TMEM266: variants seen among roughly 807,000 people sequenced by gnomAD.
TMEM266 encodes the protein transmembrane protein 266, also known as Hv1 related protein 1.
Under a neutral mutation model 50.5 loss-of-function variants are expected in TMEM266, and 33 were observed. The observed-to-expected ratio is 0.65, with a 90% CI of 0.50 to 0.87. The LOEUF is 0.87. TMEM266 is among the 40% of genes least tolerant of loss of function. The pLI is 0.00. For synonymous variants in TMEM266, 310 were observed against 292.3 expected (o/e 1.06, Z -0.62); for missense variants, 655 against 695.1 (o/e 0.94, Z 0.65).
At chr15:76,133,452 TA>T (rs1239748055) in intron 1 of TMEM266, among the ~76,000 whole-genome samples, 2 of 151,914 alleles carry the variant, frequency 1.3e-5, no homozygotes, top group Non-Finnish European at 2.9e-5. Context: ...AATAAATAAA[TA>T]AAATAAATAA....
intron 2 of TMEM266, among the ~76,000 whole-genome samples, chr15:76,135,223 A>G (rs1225863248): frequency 6.6e-6 from 1 of 152,242 alleles, no homozygotes. Flanking sequence ...AGAGGTAAAG[A>G]ATAGAACCAT....
At chr15:76,144,359 C>T (rs550920364) in intron 3 of TMEM266, among the ~76,000 whole-genome samples, 3 of 152,140 alleles carry the variant, frequency 2.0e-5, no homozygotes, top group Non-Finnish European at 4.4e-5. Flanking sequence ...TATAGTCAGC[C>T]GTAGTCACCC....
chr15:76,093,548 A>G (rs1380963709), intron 1 of TMEM266, among the ~76,000 whole-genome samples: 1 of 151,998 alleles, frequency 6.6e-6, no homozygotes, highest in Non-Finnish European at 1.5e-5. Flanking sequence ...AGTCTTTGCT[A>G]TTGTGAATAG....
intron 5 of TMEM266, among the ~76,000 whole-genome samples, chr15:76,165,151 G>C (rs1359384283): frequency 6.6e-6 from 1 of 152,218 alleles, no homozygotes; most frequent in Admixed American, 6.5e-5. Context: ...TGCAAGGCTT[G>C]GGATTTCCCA....
chr15:76,156,533 C>T (rs1567170146), intron 3 of TMEM266, 71 bp from the exon 4 acceptor site: 1 of 1,536,682 alleles, frequency 6.5e-7, no homozygotes, highest in Non-Finnish European at 8.9e-7. Flanking sequence ...GAGAGCAGGG[C>T]TTTGGCCGGG....
intron 1 of TMEM266, among the ~76,000 whole-genome samples, chr15:76,081,173 C>T (rs1415229606): frequency 1.3e-5 from 2 of 152,196 alleles, no homozygotes; most frequent in Admixed American, 6.5e-5. Flanking sequence ...GTTCGTGTAC[C>T]GAGTTCAAAA....
At chr15:76,146,297 G>A (rs1290541821) in intron 3 of TMEM266, among the ~76,000 whole-genome samples, 3 of 152,300 alleles carry the variant, frequency 2.0e-5, no homozygotes, top group Non-Finnish European at 2.9e-5. Context: ...AAAAGAGGGT[G>A]CAAAGATGGT....
intron 7 of TMEM266, among the ~76,000 whole-genome samples, chr15:76,172,535 G>A (rs1297969232): frequency 3.9e-5 from 6 of 152,296 alleles, no homozygotes; most frequent in South Asian, 2.1e-4. Flanking sequence ...TCCACCCTGC[G>A]AACACTGTGG....
In TMEM266 at chr15:76,160,019, C is replaced by A; in HGVS notation, c.383-76C>A. 1.4e-6 allele frequency: 2 copies of A among 1,420,844 alleles called. No individual in the cohort carries two copies. The highest frequency in any genetic ancestry group is 2.0e-6 in the Non-Finnish European group (2 of 1,008,954). The allele number at this position is 1,420,844 out of a possible 1,614,324, so 88.0% of individuals were successfully genotyped here. On this transcript the variant is annotated intron_variant, in intron 4 of 10. Coordinates refer to ENST00000388942, the MANE Select transcript of TMEM266 (RefSeq NM_152335.3). The surrounding 1 kb of genome is among the most constrained non-coding windows in gnomAD (Gnocchi z 5.7). ...GGCCCCGGGGTCCCAGAGGTCTGGA[C>A]GGATGCTGCGAAGCCCCCATAGCAA...
intron 1 of TMEM266, among the ~76,000 whole-genome samples, chr15:76,109,404 A>G (rs953094280): frequency 2.0e-5 from 3 of 152,248 alleles, no homozygotes; most frequent in African/African-American, 7.2e-5. Context: ...TATTGAATAA[A>G]TGCATAAAGA....
intron 1 of TMEM266, among the ~76,000 whole-genome samples, chr15:76,094,435 G>A (rs1239584751): frequency 1.3e-5 from 2 of 152,038 alleles, no homozygotes; most frequent in Admixed American, 6.5e-5. Flanking sequence ...TAGATGTGTG[G>A]TGTTACTTCT....
chr15:76,192,275 T>C, intron 9 of TMEM266, 118 bp downstream of exon 9: 1 of 948,932 alleles, frequency 1.1e-6, no homozygotes, highest in Admixed American at 4.0e-5. Context: ...TGTGTGCCCC[T>C]CCTTCACTCG....
intron 1 of TMEM266, among the ~76,000 whole-genome samples, chr15:76,115,044 G>A (rs2037227130): frequency 2.0e-5 from 3 of 152,190 alleles, no homozygotes; most frequent in Admixed American, 2.0e-4. Flanking sequence ...ACCAAGGCAG[G>A]AAGATTGCTT....
At chr15:76,138,271 ATC>A (rs150283439) in intron 3 of TMEM266, among the ~76,000 whole-genome samples, 14,001 of 149,594 alleles carry the variant, frequency 0.094, 967 homozygotes, top group Admixed American at 0.21. Context: ...TTCTATGGAT[ATC>A]TTCCAAGAAG....
chr15:76,110,259 T>C (rs2037150129), intron 1 of TMEM266, among the ~76,000 whole-genome samples: 1 of 152,060 alleles, frequency 6.6e-6, no homozygotes, highest in Admixed American at 6.6e-5. Context: ...TGCCTCAGCC[T>C]CCCAAAGTGC....
rs1388031461 is a variant in TMEM266 at position 76,198,281 on chromosome 15, C to T, written c.959-3921C>T. ...TTTGTTCTGAAGCCTGTGTTTGTGC[C>T]CATTCTTTCCTGCCCCTCCACGGAC... On this transcript the variant is annotated intron_variant, in intron 9 of 10. Transcript: ENST00000388942. Among the ~76,000 whole-genome samples the T allele has an allele frequency of 4.6e-5, 7 of 152,200 alleles. No homozygotes were observed. The South Asian group carries it at 1.2e-3, about 27-fold the overall frequency.
At chr15:76,187,388 G>A (rs557882629) in intron 8 of TMEM266, among the ~76,000 whole-genome samples, 1 of 152,298 alleles carries the variant, frequency 6.6e-6, no homozygotes, top group East Asian at 1.9e-4. Context: ...TGCAGGCCTC[G>A]ATGAGTGGCC....
Position 76,100,786 on chromosome 15 carries a change from A to C in TMEM266, c.-96-33382A>C, listed in dbSNP as rs556248121. On this transcript the variant is annotated intron_variant, in intron 1 of 10. Transcript: ENST00000388942. ...CTGTCCCATCTGCCTATAAAGACAG[A>C]ATCACAGAATATCAACACTGAAATG... Among the ~76,000 whole-genome samples, 4 of 152,348 alleles carry C rather than the reference A, an allele frequency of 2.6e-5. No individual in the cohort carries two copies. The South Asian group carries it at 8.3e-4, about 32-fold the overall frequency.
At position 76,090,681 on chromosome 15, in the gene TMEM266, G is replaced by A. The variant is rs540009622; in HGVS notation, c.-97+30665G>A. Among the ~76,000 whole-genome samples, 3 of 152,142 alleles carry A rather than the reference G, an allele frequency of 2.0e-5. No homozygotes were observed. The South Asian group carries it at 6.2e-4, about 32-fold the overall frequency. The stretch of plus-strand genomic sequence containing the variant: ...ACAATAAATGGGTAGGGTTAAAAGT[G>A]TCCACGGGATTTGGGAGCTAAAACA... On this transcript the variant is annotated intron_variant, in intron 1 of 10. Transcript: ENST00000388942.
Sources: gnomAD v4.1 joint callset for allele counts (sites outside exome capture counted in the v4.1 genomes callset) on GRCh38, gnomAD v4.1.1 for gene constraint, Gnocchi (gnomAD v3.1) non-coding constraint, MANE v1.5 for transcripts, NCBI Gene and HGNC (gene_info 2026-07-23, HGNC 2026-07-21) for gene names.